The following PCBP3 variants were observed in gnomAD, a reference collection of about 807,000 sequenced individuals.
PCBP3 encodes poly(rC) binding protein 3, also known as poly(rC)-binding protein 3.
Under a neutral mutation model 52.7 loss-of-function variants are expected in PCBP3, and 25 were observed. The observed-to-expected ratio is 0.47, with a 90% CI of 0.35 to 0.66. PCBP3 has a LOEUF of 0.66. Among genes scored for constraint, PCBP3 ranks in the 30% least tolerant of loss-of-function variants. The probability of loss-of-function intolerance (pLI) is 0.01; values close to 1 mark genes in which losing one functional copy is unlikely to be tolerated. For synonymous variants in PCBP3, 162 were observed against 183.0 expected, an observed-to-expected ratio of 0.89 and a Z score of 0.93; for missense variants, 391 against 490.3, an observed-to-expected ratio of 0.80 and a Z score of 1.91.
At chr21:45,648,394 C>T (rs1031989748) in intron 1 of PCBP3, among the ~76,000 whole-genome samples, 2 of 152,140 alleles carry the variant, frequency 1.3e-5, no homozygotes, top group Admixed American at 6.5e-5. Context: ...TCTATTTCAC[C>T]TCCTAGGTAA....
chr21:45,729,764 T>G (rs568628483), intron 2 of PCBP3, among the ~76,000 whole-genome samples: 11 of 152,112 alleles, frequency 7.2e-5, no homozygotes, highest in Non-Finnish European at 1.5e-4. Context: ...GAACCAACTT[T>G]CGGTTTTATT....
At chr21:45,654,977 T>G (rs965289870) in intron 1 of PCBP3, among the ~76,000 whole-genome samples, 11 of 152,214 alleles carry the variant, frequency 7.2e-5, no homozygotes, top group Admixed American at 2.0e-4. Flanking sequence ...GTATGTGGCC[T>G]TTTGTGTCTG....
chr21:45,794,659 A>G (rs983614192), intron 4 of PCBP3, among the ~76,000 whole-genome samples: 1 of 152,186 alleles, frequency 6.6e-6, no homozygotes, highest in African/African-American at 2.4e-5. Flanking sequence ...GCCGGGTGCA[A>G]TGGCTCACGC....
At chr21:45,824,817 G>A (rs929218814) in intron 4 of PCBP3, among the ~76,000 whole-genome samples, 2 of 152,244 alleles carry the variant, frequency 1.3e-5, no homozygotes, top group African/African-American at 2.4e-5. Context: ...GGACATAGAT[G>A]GCCTGCATCT....
intron 2 of PCBP3, among the ~76,000 whole-genome samples, chr21:45,701,984 CA>C (rs1216791966): frequency 6.6e-6 from 1 of 152,186 alleles, no homozygotes; most frequent in African/African-American, 2.4e-5. Flanking sequence ...TGTCCTTCTG[CA>C]TTAATCTGTT....
chr21:45,751,086 G>A (rs1007873913), intron 3 of PCBP3: 3 of 152,104 alleles, frequency 2.0e-5, no homozygotes, highest in Non-Finnish European at 4.4e-5. Context: ...GACATCATGC[G>A]GTAGGTTGGA....
At chr21:45,792,481 A>C (rs1391695658) in intron 4 of PCBP3, among the ~76,000 whole-genome samples, 2 of 151,684 alleles carry the variant, frequency 1.3e-5, no homozygotes. Context: ...TAAAAAAGAC[A>C]GCACAAGTCA....
chr21:45,820,817 G>A (rs1396430520), intron 4 of PCBP3, among the ~76,000 whole-genome samples: 1 of 152,122 alleles, frequency 6.6e-6, no homozygotes, highest in Non-Finnish European at 1.5e-5. Flanking sequence ...GGTGGGAGGC[G>A]CTTTTTCATC....
At chr21:45,676,461 C>A (rs1041456045) in intron 2 of PCBP3, among the ~76,000 whole-genome samples, 25 of 152,134 alleles carry the variant, frequency 1.6e-4, no homozygotes, top group Admixed American at 5.9e-4. Context: ...TACTTCATGT[C>A]TCTGTGTCAC....
intron 2 of PCBP3, among the ~76,000 whole-genome samples, chr21:45,670,571 G>A (rs1255646099): frequency 6.6e-6 from 1 of 152,156 alleles, no homozygotes; most frequent in Non-Finnish European, 1.5e-5. Flanking sequence ...GCTTAATCCA[G>A]TGTAGTCTTA....
intron 1 of PCBP3, among the ~76,000 whole-genome samples, chr21:45,645,931 T>C (rs1465340565): frequency 6.6e-6 from 1 of 152,146 alleles, no homozygotes; most frequent in African/African-American, 2.4e-5. Context: ...ACTTAAACAT[T>C]AGAATAAATG....
At chr21:45,734,968 C>T (rs2085753418) in intron 2 of PCBP3, among the ~76,000 whole-genome samples, 1 of 152,196 alleles carries the variant, frequency 6.6e-6, no homozygotes, top group Non-Finnish European at 1.5e-5. Flanking sequence ...GGCCTGTGGT[C>T]CAGGTGAAGG....
chr21:45,683,995 G>A (rs1171594575), intron 2 of PCBP3, among the ~76,000 whole-genome samples: 1 of 149,668 alleles, frequency 6.7e-6, no homozygotes, highest in Non-Finnish European at 1.5e-5. Flanking sequence ...TCAGTGCTTT[G>A]GGAGGCCATG....
intron 4 of PCBP3, among the ~76,000 whole-genome samples, chr21:45,832,422 C>T (rs1302122281): frequency 1.3e-5 from 2 of 152,318 alleles, no homozygotes; most frequent in East Asian, 1.9e-4. Flanking sequence ...TCTGGGAATG[C>T]AGCCCAACAG....
intron 4 of PCBP3, among the ~76,000 whole-genome samples, chr21:45,797,849 G>T (rs111375527): frequency 2.4e-4 from 14 of 59,478 alleles, no homozygotes; most frequent in African/African-American, 3.2e-4. Flanking sequence ...TGAATGCATG[G>T]ATGGACGAAT....
At position 45,880,178 on chromosome 21, in the gene PCBP3, G is replaced by T. The variant is rs2095366394; in HGVS notation, c.11-16030G>T. ...GTGGTTTTCCTCTGGCCTCTTCTGG[G>T]AGCTGGTGGATTTGCAAGTCACGGC... On this transcript the variant is annotated intron_variant, in intron 5 of 17. Coordinates refer to ENST00000681687, the MANE Select transcript of PCBP3 (RefSeq NM_001384156.1). The surrounding 1 kb of genome is among the most constrained non-coding windows in gnomAD (Gnocchi z 5.4). Among the ~76,000 whole-genome samples, 1 of 152,196 alleles carries T rather than the reference G, an allele frequency of 6.6e-6. No homozygotes were observed. Among genetic ancestry groups the T allele is most frequent in the Non-Finnish European group, 1.5e-5 (1 of 68,044 alleles).
chr21:45,818,027 T>C (rs2093018674), intron 4 of PCBP3, among the ~76,000 whole-genome samples: 1 of 152,054 alleles, frequency 6.6e-6, no homozygotes, highest in Non-Finnish European at 1.5e-5. Flanking sequence ...GGTACATTAT[T>C]ATTATTATTT....
chr21:45,909,446 T>G lies in PCBP3; in HGVS notation c.431T>G (p.Leu144Arg). ...LVVPASQCGS[L>R]IGKGGSKIKE... ...GTGCCTGCCAGCCAGTGTGGGTCCC[T>G]GATCGGCAAAGGAGGCTCCAAGATC... Residue 144 changes from leucine to arginine, a missense_variant, in exon 10 of 18, where the codon CTG (leucine) becomes CGG (arginine). Coordinates refer to ENST00000681687, the MANE Select transcript of PCBP3 (RefSeq NM_001384156.1). 1 of 1,613,426 alleles carries G rather than the reference T, an allele frequency of 6.2e-7. No individual in the cohort carries two copies. The highest frequency in any genetic ancestry group is 8.5e-7 in the Non-Finnish European group (1 of 1,179,776).
At chr21:45,671,244 T>G (rs972881905) in intron 2 of PCBP3, among the ~76,000 whole-genome samples, 3 of 152,182 alleles carry the variant, frequency 2.0e-5, no homozygotes, top group African/African-American at 7.2e-5. Flanking sequence ...ACACCCTTCT[T>G]TCACGACTGT....
Sources: allele counts gnomAD v4.1 joint callset (sites outside exome capture counted in the v4.1 genomes callset), GRCh38; gene constraint gnomAD v4.1.1; non-coding constraint Gnocchi (gnomAD v3.1); transcripts MANE v1.5; gene names NCBI Gene and HGNC (gene_info 2026-07-23, HGNC 2026-07-21).